Variants in UBE3D observed in about 807,000 individuals in gnomAD.
The protein encoded by UBE3D is E3 ubiquitin-protein ligase E3D.
In UBE3D, 48 loss-of-function variants were observed where a neutral mutation model predicts 49.6. The observed-to-expected ratio is 0.97, with a 90% confidence interval of 0.77 to 1.23. UBE3D has a LOEUF of 1.23. UBE3D is among the 50% of genes most tolerant of loss of function. The probability of loss-of-function intolerance (pLI) is 0.00; values close to 1 mark genes in which losing one functional copy is unlikely to be tolerated. For synonymous variants in UBE3D, 189 were observed against 174.2 expected (o/e 1.08, Z -0.67); for missense variants, 452 against 468.4 (o/e 0.96, Z 0.32).
intron 3 of UBE3D, among the ~76,000 whole-genome samples, chr6:83,051,371 T>G (rs551043932): frequency 6.6e-6 from 1 of 152,178 alleles, no homozygotes; most frequent in African/African-American, 2.4e-5. Flanking sequence ...TAAAAGGGAC[T>G]GACACAGAAG....
intron 2 of UBE3D, 149 bp downstream of exon 2, chr6:83,057,677 G>T: frequency 1.4e-6 from 1 of 710,840 alleles, no homozygotes; most frequent in Non-Finnish European, 2.3e-6. Flanking sequence ...ATGTTCAATT[G>T]CATACAGCCA....
At chr6:83,018,665 G>T (rs1201839762) in intron 8 of UBE3D, 2 of 275,946 alleles carry the variant, frequency 7.2e-6, no homozygotes, top group Non-Finnish European at 1.3e-5. Flanking sequence ...CTGATGCCTG[G>T]AAAGTGCTTA....
chr6:82,883,969 GGAA>G, the UBE3D span, among the ~76,000 whole-genome samples: 1 of 152,156 alleles, frequency 6.6e-6, no homozygotes, highest in Non-Finnish European at 1.5e-5. Flanking sequence ...ACCTCATTTT[GGAA>G]GAAGAGATAA....
intron 5 of UBE3D, among the ~76,000 whole-genome samples, chr6:83,033,394 T>G (rs1434960871): frequency 1.3e-5 from 2 of 152,194 alleles, no homozygotes; most frequent in African/African-American, 4.8e-5. Flanking sequence ...ACTATATCAC[T>G]GATATGGTTT....
chr6:83,042,131 A>C (rs1352061740), intron 4 of UBE3D, among the ~76,000 whole-genome samples: 1 of 152,068 alleles, frequency 6.6e-6, no homozygotes, highest in East Asian at 1.9e-4. Flanking sequence ...GATGGTCTCA[A>C]TCTCCTGACC....
intron 8 of UBE3D, among the ~76,000 whole-genome samples, chr6:82,987,155 G>C (rs1317576107): frequency 1.3e-5 from 2 of 152,024 alleles, no homozygotes; most frequent in Non-Finnish European, 2.9e-5. Flanking sequence ...TTTGCATAGA[G>C]TGGGTCTTGC....
At chr6:83,005,470 C>T (rs906149354) in intron 8 of UBE3D, among the ~76,000 whole-genome samples, 4 of 151,926 alleles carry the variant, frequency 2.6e-5, no homozygotes, top group African/African-American at 9.7e-5. Context: ...TCCAGCAAAC[C>T]CACTTCTAGA....
chr6:82,977,997 G>C (rs1777848151), intron 8 of UBE3D, among the ~76,000 whole-genome samples: 1 of 151,846 alleles, frequency 6.6e-6, no homozygotes, highest in South Asian at 2.1e-4. Flanking sequence ...CTTCCGCTGG[G>C]TTATGTATGG....
chr6:83,065,783 A>C lies in UBE3D; in HGVS notation c.-65T>G. On this transcript the variant is annotated 5_prime_UTR_variant, in exon 1 of 10. Coordinates refer to ENST00000369747, the MANE Select transcript of UBE3D (RefSeq NM_198920.3). Reference sequence around the variant, plus strand: ...CCGAGGGGCCCGGGTCAACAGGACCAGGAGAGGTTCCACGTGCGGACCAAC... The same window carrying C: ...CCGAGGGGCCCGGGTCAACAGGACCCGGAGAGGTTCCACGTGCGGACCAAC... 1 of 1,509,508 alleles carries C rather than the reference A, an allele frequency of 6.6e-7. No individual in the cohort carries two copies. The highest frequency in any genetic ancestry group is 9.0e-7 in the Non-Finnish European group (1 of 1,107,330). 93.5% of individuals were successfully genotyped at this position (1,509,508 alleles called of 1,614,324 possible). A position where few individuals can be genotyped will look rare whatever the true frequency, so the allele number is the denominator to read the frequency against.
At chr6:83,000,389 T>C (rs1020336964) in intron 8 of UBE3D, among the ~76,000 whole-genome samples, 1 of 152,154 alleles carries the variant, frequency 6.6e-6, no homozygotes, top group Admixed American at 6.5e-5. Flanking sequence ...TAGTGGCCCA[T>C]TCCTCAAATC....
chr6:83,061,779 A>C (rs1784183564), intron 1 of UBE3D, among the ~76,000 whole-genome samples: 1 of 152,164 alleles, frequency 6.6e-6, no homozygotes. Flanking sequence ...TCAAGACCTT[A>C]GTTTGTCTTT....
In UBE3D at chr6:82,984,818, G is replaced by A. The variant is rs762288786; in HGVS notation, c.1011-27368C>T. Among the ~76,000 whole-genome samples the A allele has an allele frequency of 1.6e-4, 24 of 151,772 alleles. No homozygotes were observed. In the South Asian group the frequency reaches 1.7e-3, roughly 11 times the overall value. On this transcript the variant is annotated intron_variant, in intron 8 of 9. Transcript: ENST00000369747. ...ATAAAGAGTTTTTCATTGTTGTTAT[G>A]TTTATTTATTTAGATACAGGGTTTC...
intron 8 of UBE3D, among the ~76,000 whole-genome samples, chr6:82,986,169 T>A (rs1468691088): frequency 6.6e-6 from 1 of 152,094 alleles, no homozygotes; most frequent in Non-Finnish European, 1.5e-5. Context: ...ATACTTCCAT[T>A]TGCTTAAGAA....
chr6:83,043,027 T>G (rs1022306590), intron 4 of UBE3D, among the ~76,000 whole-genome samples: 15 of 152,326 alleles, frequency 9.8e-5, no homozygotes, highest in African/African-American at 3.4e-4. Context: ...GTACAGAATT[T>G]CCCACAGTCT....
intron 8 of UBE3D, among the ~76,000 whole-genome samples, chr6:82,976,910 T>G (rs1027643646): frequency 6.6e-6 from 1 of 151,884 alleles, no homozygotes; most frequent in Non-Finnish European, 1.5e-5. Context: ...GTCAGGAGAT[T>G]GAGACCATCC....
intron 8 of UBE3D, among the ~76,000 whole-genome samples, chr6:82,964,743 A>T (rs1056439308): frequency 6.6e-6 from 1 of 152,222 alleles, no homozygotes; most frequent in Non-Finnish European, 1.5e-5. Context: ...TAAAATTCTT[A>T]TAAGCCATTC....
At chr6:83,007,100 G>GCA (rs1780032116) in intron 8 of UBE3D, among the ~76,000 whole-genome samples, 1 of 151,980 alleles carries the variant, frequency 6.6e-6, no homozygotes, top group African/African-American at 2.4e-5. Flanking sequence ...TTTTTAAACT[G>GCA]TCTAAAGCTA....
intron 4 of UBE3D, 81 bp from the exon 5 acceptor site, chr6:83,038,566 T>C: frequency 8.2e-7 from 1 of 1,218,080 alleles, no homozygotes; most frequent in Non-Finnish European, 1.2e-6. Flanking sequence ...GTCCCCAGAG[T>C]ATACATTGAA....
At chr6:83,000,478 C>T (rs544662567) in intron 8 of UBE3D, among the ~76,000 whole-genome samples, 83 of 152,308 alleles carry the variant, frequency 5.4e-4, no homozygotes, top group South Asian at 8.3e-4. Flanking sequence ...CAGGTCCAAA[C>T]TAAAATAATT....
Sources: allele counts gnomAD v4.1 joint callset (sites outside exome capture counted in the v4.1 genomes callset), GRCh38; gene constraint gnomAD v4.1.1; transcripts MANE v1.5; gene names NCBI Gene and HGNC (gene_info 2026-07-23, HGNC 2026-07-21).